CRTC3: variants seen among roughly 807,000 people sequenced by gnomAD.
CRTC3 encodes CREB regulated transcription coactivator 3, also known as CREB-regulated transcription coactivator 3.
A neutral mutation model predicts 74.5 loss-of-function variants in CRTC3; 26 were observed. The observed-to-expected ratio is 0.35, with a 90% CI of 0.26 to 0.48. The LOEUF (loss-of-function observed/expected upper bound fraction) is 0.48, where lower values mean the gene tolerates loss of function less well. Among genes scored for constraint, CRTC3 ranks in the 20% least tolerant of loss-of-function variants. The pLI is 0.99. For synonymous variants in CRTC3, 377 were observed against 325.8 expected (o/e 1.16, Z -1.69); for missense variants, 760 against 787.3 (o/e 0.97, Z 0.41).
chr15:90,630,755 C>CTTTT lies in CRTC3; in HGVS notation c.1266+1223_1266+1224insTTTT, dbSNP rs1290271902. Among the ~76,000 whole-genome samples, 44 of 37,514 alleles carry CTTTT rather than the reference C, an allele frequency of 1.2e-3. 8 individuals are homozygous for CTTTT. The highest frequency in any genetic ancestry group is 3.1e-3 in the African/African-American group (40 of 13,082). The allele number at this position is 37,514 out of a possible 152,430, so 24.6% of individuals were successfully genotyped here. A position where few individuals can be genotyped will look rare whatever the true frequency, so the allele number is the denominator to read the frequency against. On this transcript the variant is annotated intron_variant, in intron 11 of 14. Coordinates refer to ENST00000268184, the MANE Select transcript of CRTC3 (RefSeq NM_022769.5). ...TCACATCCTCTGTCTATTACAGCATCATTTTTTTTTTTTTTTTTTTTTTTT... is the reference window on the plus strand; with the variant it reads ...TCACATCCTCTGTCTATTACAGCATCTTTTATTTTTTTTTTTTTTTTTTTTTTTT...
chr15:90,574,102 T>C (rs1967342233), intron 2 of CRTC3, among the ~76,000 whole-genome samples: 1 of 152,202 alleles, frequency 6.6e-6, no homozygotes, highest in African/African-American at 2.4e-5. Context: ...TACACAGTAT[T>C]CTTTTATATG....
intron 11 of CRTC3, chr15:90,635,059 A>G: frequency 2.3e-6 from 2 of 861,948 alleles, no homozygotes; most frequent in Non-Finnish European, 3.9e-6. Flanking sequence ...AAATGGCATC[A>G]GTGTGAAGCT....
chr15:90,565,615 T>C (rs1967106491), intron 2 of CRTC3, among the ~76,000 whole-genome samples: 1 of 152,256 alleles, frequency 6.6e-6, no homozygotes, highest in African/African-American at 2.4e-5. Context: ...CATTTTTCAA[T>C]GGCATGTGGC....
intron 2 of CRTC3, among the ~76,000 whole-genome samples, chr15:90,564,687 G>C (rs950590001): frequency 6.6e-6 from 1 of 152,078 alleles, no homozygotes; most frequent in South Asian, 2.1e-4. Context: ...CTGACCCTTC[G>C]AATTTGCCAT....
At chr15:90,571,573 T>C (rs1441832024) in intron 2 of CRTC3, among the ~76,000 whole-genome samples, 1 of 152,188 alleles carries the variant, frequency 6.6e-6, no homozygotes, top group Non-Finnish European at 1.5e-5. Flanking sequence ...CCTAAGGCGG[T>C]GTAAAGCTAT....
intron 6 of CRTC3, among the ~76,000 whole-genome samples, chr15:90,612,299 G>T (rs941075413): frequency 6.6e-6 from 1 of 152,078 alleles, no homozygotes. Flanking sequence ...GATCCCATGA[G>T]ATCACCTGTG....
chr15:90,610,109 T>G (rs2151085029), intron 6 of CRTC3, among the ~76,000 whole-genome samples: 1 of 152,262 alleles, frequency 6.6e-6, no homozygotes, highest in East Asian at 1.9e-4. Context: ...GAATTATATT[T>G]GTTGGTGGGA....
At chr15:90,565,088 A>G (rs1427390071) in intron 2 of CRTC3, among the ~76,000 whole-genome samples, 1 of 152,186 alleles carries the variant, frequency 6.6e-6, no homozygotes, top group African/African-American at 2.4e-5. Flanking sequence ...GATTACAGAC[A>G]TGCGTGACCA....
intron 2 of CRTC3, among the ~76,000 whole-genome samples, chr15:90,560,454 C>T (rs17264145): frequency 0.019 from 2,932 of 152,348 alleles, 43 homozygotes; most frequent in Non-Finnish European, 0.03. Context: ...CATCCGTTGT[C>T]TTCCCTGTGG....
At chr15:90,641,834 A>G in intron 14 of CRTC3, 98 bp from the exon 15 acceptor site, 4 of 924,874 alleles carry the variant, frequency 4.3e-6, no homozygotes, top group Non-Finnish European at 7.0e-6. Flanking sequence ...TGTGTGGGAT[A>G]GCAGTTTAGG....
chr15:90,636,954 TG>T (rs1425553526), intron 11 of CRTC3, among the ~76,000 whole-genome samples: 1 of 152,182 alleles, frequency 6.6e-6, no homozygotes, highest in African/African-American at 2.4e-5. Flanking sequence ...ACACTGTTGG[TG>T]GGACTGTAAA....
At chr15:90,572,899 CTG>C (rs1250467039) in intron 2 of CRTC3, among the ~76,000 whole-genome samples, 1 of 152,142 alleles carries the variant, frequency 6.6e-6, no homozygotes, top group Non-Finnish European at 1.5e-5. Context: ...TTTAAAAAAA[CTG>C]TGGTTAAAAA....
chr15:90,603,294 G>T (rs529761700), intron 4 of CRTC3, among the ~76,000 whole-genome samples: 26 of 148,416 alleles, frequency 1.8e-4, no homozygotes, highest in South Asian at 6.6e-4. Context: ...ATACAAAAAA[G>T]TAGCCGGGCG....
intron 2 of CRTC3, among the ~76,000 whole-genome samples, chr15:90,565,168 G>A (rs1056739620): frequency 2.6e-5 from 4 of 152,152 alleles, no homozygotes; most frequent in African/African-American, 9.7e-5. Context: ...GGCTGGTCTT[G>A]AACTCCCGAC....
chr15:90,534,379 G>A (rs1169398373), intron 1 of CRTC3, among the ~76,000 whole-genome samples: 1 of 152,188 alleles, frequency 6.6e-6, no homozygotes, highest in Non-Finnish European at 1.5e-5. Context: ...CTGTTTAGAT[G>A]GTTTTGCAGC....
chr15:90,630,125 T>A (rs1201206022), intron 11 of CRTC3, among the ~76,000 whole-genome samples: 1 of 152,114 alleles, frequency 6.6e-6, no homozygotes, highest in Admixed American at 6.6e-5. Flanking sequence ...AAACTTGGGG[T>A]TGAGAGGAAC....
chr15:90,623,356 CT>C (rs545831840), intron 9 of CRTC3, among the ~76,000 whole-genome samples: 195 of 152,312 alleles, frequency 1.3e-3, no homozygotes, highest in Non-Finnish European at 1.8e-3. Context: ...AGAAATATCC[CT>C]GCTGCATGTC....
rs553317831 is a variant in CRTC3, at chr15:90,545,466, C to A, written c.231+5329C>A. On this transcript the variant is annotated intron_variant, in intron 2 of 14. Coordinates refer to ENST00000268184, the MANE Select transcript of CRTC3 (RefSeq NM_022769.5). Reference sequence around the variant, plus strand: ...CCAGGCTGGAGTGTAGTGGCGTGATCTCAGCTCACTGCTGCCTCCGCCTCC... The same window carrying A: ...CCAGGCTGGAGTGTAGTGGCGTGATATCAGCTCACTGCTGCCTCCGCCTCC... 4.1e-5 allele frequency among the ~76,000 whole-genome samples: 6 copies of A among 147,424 alleles called. No homozygotes were observed. The South Asian group carries it at 1.3e-3, about 31-fold the overall frequency.
At chr15:90,566,276 G>A (rs574927610) in intron 2 of CRTC3, among the ~76,000 whole-genome samples, 33 of 152,196 alleles carry the variant, frequency 2.2e-4, no homozygotes, top group African/African-American at 7.0e-4. Context: ...TCACCCAGGC[G>A]CAGTTTCTCA....
Sources: gnomAD v4.1 joint callset for allele counts (sites outside exome capture counted in the v4.1 genomes callset) on GRCh38, gnomAD v4.1.1 for gene constraint, MANE v1.5 for transcripts, NCBI Gene and HGNC (gene_info 2026-07-23, HGNC 2026-07-21) for gene names.